Variants in AFF2 observed in about 807,000 individuals in gnomAD.
AFF2 encodes the protein ALF transcription elongation factor 2, also known as AF4/FMR2 family member 2.
AFF2 carries 14 observed loss-of-function variants against 76.9 expected under a neutral mutation model. The observed-to-expected ratio is 0.18, with a 90% CI of 0.12 to 0.28. AFF2 has a LOEUF of 0.28. AFF2 is among the 10% of genes least tolerant of loss of function. The pLI, the probability that AFF2 is intolerant of heterozygous loss-of-function variation, is 1.00. For missense variants in AFF2, 868 were observed against 1,001.1 expected (o/e 0.87, Z 1.79); for synonymous variants, 398 against 366.7 (o/e 1.09, Z -0.98).
intron 1 of AFF2, among the ~76,000 whole-genome samples, chrX:148,552,788 G>A (rs1459245060): frequency 8.9e-6 from 1 of 112,046 alleles, no homozygotes. Flanking sequence ...GAAGACCTTA[G>A]AGCTTTAGAT....
At chrX:148,884,544 G>T (rs1464080999) in intron 7 of AFF2, among the ~76,000 whole-genome samples, 1 of 112,925 alleles carries the variant, frequency 8.9e-6, no homozygotes, top group Non-Finnish European at 1.9e-5. Context: ...AATTTTAGGA[G>T]TGGCTCCAGC....
At chrX:148,604,638 G>T (rs782288398) in intron 1 of AFF2, among the ~76,000 whole-genome samples, 1 of 112,404 alleles carries the variant, frequency 8.9e-6, no homozygotes, top group South Asian at 3.6e-4. Flanking sequence ...AAATCTATGA[G>T]ATGCATTTAA....
chrX:148,734,201 A>G (rs2055259362), intron 3 of AFF2, among the ~76,000 whole-genome samples: 1 of 111,711 alleles, frequency 9.0e-6, no homozygotes, highest in African/African-American at 3.3e-5. Context: ...TACTTGAGCT[A>G]TTGTATGATT....
chrX:148,509,168 G>A (rs1463713329), intron 1 of AFF2, among the ~76,000 whole-genome samples: 1 of 111,750 alleles, frequency 8.9e-6, no homozygotes, highest in South Asian at 3.8e-4. Context: ...TTAGAATTAG[G>A]GAAATACTAT....
At chrX:148,804,651 C>A (rs2070103672) in intron 3 of AFF2, among the ~76,000 whole-genome samples, 1 of 112,437 alleles carries the variant, frequency 8.9e-6, no homozygotes, top group African/African-American at 3.2e-5. Flanking sequence ...TTTGGATGCC[C>A]AGGATTTTTG....
intron 1 of AFF2, among the ~76,000 whole-genome samples, chrX:148,608,721 G>A (rs368630778): frequency 9.1e-6 from 1 of 110,209 alleles, no homozygotes; most frequent in Non-Finnish European, 1.9e-5. Context: ...GTCTCACCAT[G>A]TTACCTGGGC....
chrX:148,966,239 A>G (rs1377115132), intron 13 of AFF2, among the ~76,000 whole-genome samples: 2 of 111,659 alleles, frequency 1.8e-5, no homozygotes, highest in Non-Finnish European at 1.9e-5. Flanking sequence ...ACCTCACTTC[A>G]GCCAGGGCAG....
At chrX:148,689,174 C>T (rs1180089559) in intron 3 of AFF2, among the ~76,000 whole-genome samples, 1 of 111,679 alleles carries the variant, frequency 9.0e-6, no homozygotes, top group Admixed American at 9.5e-5. Flanking sequence ...TTCACATGAT[C>T]TTCCTGTGCA....
intron 1 of AFF2, among the ~76,000 whole-genome samples, chrX:148,525,348 TCTGA>T (rs2052647105): frequency 8.9e-6 from 1 of 111,847 alleles, no homozygotes; most frequent in Non-Finnish European, 1.9e-5. Context: ...ATCAAAAAGG[TCTGA>T]CTGATGTTAC....
chrX:148,517,519 C>A (rs1557233956), intron 1 of AFF2, among the ~76,000 whole-genome samples: 1 of 111,829 alleles, frequency 8.9e-6, no homozygotes, highest in African/African-American at 3.3e-5. Context: ...GTGTCTAGTA[C>A]TCATTTTTTT....
intron 2 of AFF2, among the ~76,000 whole-genome samples, chrX:148,653,753 A>G (rs1304715621): frequency 1.8e-5 from 2 of 111,979 alleles, no homozygotes; most frequent in Non-Finnish European, 3.8e-5. Context: ...ATCTAATTGC[A>G]TGTGGGGAGT....
chrX:148,760,396 C>A (rs782675204), intron 3 of AFF2, among the ~76,000 whole-genome samples: 57 of 112,262 alleles, frequency 5.1e-4, no homozygotes, highest in Non-Finnish European at 9.8e-4. Context: ...AAGCAGTATA[C>A]AAGACAAATA....
chrX:148,653,765 T>C (rs1403039548), intron 2 of AFF2, among the ~76,000 whole-genome samples: 1 of 111,611 alleles, frequency 9.0e-6, no homozygotes, highest in East Asian at 2.8e-4. Context: ...GTGGGGAGTA[T>C]GGAATAAGAA....
chrX:148,888,725 T>C lies in AFF2; in HGVS notation c.1359+2740T>C, dbSNP rs1290508728. ...ACCATTTTTGGAACCACTCTTGCTC[T>C]ATGCCAGGCACAAGCTAGGTGTGGT... On this transcript the variant is annotated intron_variant, in intron 8 of 20. Coordinates refer to ENST00000370460, the MANE Select transcript of AFF2 (RefSeq NM_002025.4). Among the ~76,000 whole-genome samples the C allele has an allele frequency of 6.3e-5, 7 of 111,992 alleles. 1 individual carries two copies.
chrX:148,857,466 A>G (rs1425611977), intron 7 of AFF2, among the ~76,000 whole-genome samples: 3 of 111,909 alleles, frequency 2.7e-5, no homozygotes, highest in South Asian at 3.7e-4. Context: ...GTCTTTAGCA[A>G]TTTGATTCTG....
intron 8 of AFF2, among the ~76,000 whole-genome samples, chrX:148,897,353 A>T (rs1186208066): frequency 1.1e-5 from 1 of 94,213 alleles, no homozygotes; most frequent in Admixed American, 1.2e-4. Flanking sequence ...ATCCTTTTAG[A>T]TATATGTGAA....
intron 3 of AFF2, among the ~76,000 whole-genome samples, chrX:148,693,166 C>A (rs976233789): frequency 9.0e-6 from 1 of 111,386 alleles, no homozygotes; most frequent in East Asian, 2.8e-4. Context: ...ATCCACCCGC[C>A]TCGACCTCCC....
intron 3 of AFF2, among the ~76,000 whole-genome samples, chrX:148,793,017 A>G (rs926680490): frequency 2.7e-5 from 3 of 111,655 alleles, no homozygotes; most frequent in Non-Finnish European, 5.6e-5. Context: ...CTTAAATCAT[A>G]ACTTACAAAA....
intron 2 of AFF2, among the ~76,000 whole-genome samples, chrX:148,652,853 T>C (rs782768501): frequency 1.8e-5 from 2 of 111,972 alleles, no homozygotes; most frequent in Non-Finnish European, 3.8e-5. Flanking sequence ...AAGAATCTTA[T>C]TGAATTGCTG....
Sources: gnomAD v4.1 joint callset for allele counts (sites outside exome capture counted in the v4.1 genomes callset) on GRCh38, gnomAD v4.1.1 for gene constraint, MANE v1.5 for transcripts, NCBI Gene and HGNC (gene_info 2026-07-23, HGNC 2026-07-21) for gene names.